The following PTPRZ1 variants were observed in gnomAD, a reference collection of about 807,000 sequenced individuals.
The protein encoded by PTPRZ1 is protein tyrosine phosphatase receptor type Z1.
PTPRZ1 carries 82 observed loss-of-function variants against 214.1 expected under a neutral mutation model. The observed-to-expected ratio is 0.38, with a 90% CI of 0.32 to 0.46. The LOEUF is 0.46. Ranked by LOEUF, PTPRZ1 falls within the 20% of genes least tolerant of loss-of-function variation. The pLI, the probability that PTPRZ1 is intolerant of heterozygous loss-of-function variation, is 1.00. For synonymous variants in PTPRZ1, 945 were observed against 987.9 expected (o/e 0.96, Z 0.81); for missense variants, 2,603 against 2,748.7 (o/e 0.95, Z 1.19).
At chr7:122,030,618 G>A (rs987149704) in intron 14 of PTPRZ1, among the ~76,000 whole-genome samples, 1 of 151,742 alleles carries the variant, frequency 6.6e-6, no homozygotes, top group African/African-American at 2.4e-5. Flanking sequence ...GCAAATTCTT[G>A]GTAACTGAAG....
chr7:121,884,495 A>G (rs1076430), intron 1 of PTPRZ1, among the ~76,000 whole-genome samples: 1 of 152,196 alleles, frequency 6.6e-6, no homozygotes, highest in African/African-American at 2.4e-5. Context: ...TAATTGTAGC[A>G]TATATTCTGG....
In PTPRZ1 at chr7:122,034,300, G is replaced by C. The variant is rs1235946010; in HGVS notation, c.5206G>C (p.Val1736Leu). ...EFYQEVQSCT[V>L]DLGITADSSN... ...TTTACAGGAAGTGCAGAGCTGTACT[G>C]TTGACTTAGGTATTACAGCAGACAG... Residue 1736 changes from valine (V) to leucine (L), a missense_variant, in exon 17 of 30, where the codon GTT becomes CTT. This residue lies in a region of PTPRZ1 where 1,913 missense variants were observed against 1,914.3 expected (regional missense o/e 1.00). Coordinates refer to ENST00000393386, the MANE Select transcript of PTPRZ1 (RefSeq NM_002851.3). 1 of 1,613,336 alleles carries C rather than the reference G, an allele frequency of 6.2e-7. No homozygotes were observed. The highest frequency in any genetic ancestry group is 1.7e-5 in the Admixed American group (1 of 59,944).
intron 11 of PTPRZ1, among the ~76,000 whole-genome samples, chr7:122,005,510 T>C (rs1328027362): frequency 1.3e-5 from 2 of 152,100 alleles, no homozygotes; most frequent in Non-Finnish European, 2.9e-5. Flanking sequence ...ATGTATCTTA[T>C]GGCTAGTCTC....
intron 2 of PTPRZ1, among the ~76,000 whole-genome samples, chr7:121,932,621 T>A (rs1795957872): frequency 6.6e-6 from 1 of 152,168 alleles, no homozygotes; most frequent in Non-Finnish European, 1.5e-5. Flanking sequence ...ACATATAGGA[T>A]TCTATTAATA....
intron 1 of PTPRZ1, among the ~76,000 whole-genome samples, chr7:121,894,828 T>C (rs1320172705): frequency 6.6e-6 from 1 of 152,224 alleles, no homozygotes. Context: ...ATAGACTTTA[T>C]TGGATTTGGG....
intron 4 of PTPRZ1, among the ~76,000 whole-genome samples, chr7:121,973,789 C>T (rs1430180985): frequency 6.6e-6 from 1 of 151,916 alleles, no homozygotes; most frequent in African/African-American, 2.4e-5. Context: ...CAAAAATTAG[C>T]TGGTCATGGT....
chr7:121,987,449 G>A (rs560098052), intron 8 of PTPRZ1, among the ~76,000 whole-genome samples: 28 of 152,094 alleles, frequency 1.8e-4, no homozygotes, highest in Non-Finnish European at 2.8e-4. Context: ...TGGGTCAAAC[G>A]GTAGCTCTGT....
chr7:122,006,541 T>C (rs1798491128), intron 11 of PTPRZ1, among the ~76,000 whole-genome samples: 1 of 152,096 alleles, frequency 6.6e-6, no homozygotes, highest in South Asian at 2.1e-4. Flanking sequence ...AATGGAGGTA[T>C]ATCTTTATTT....
intron 2 of PTPRZ1, among the ~76,000 whole-genome samples, chr7:121,961,325 T>G (rs957661631): frequency 6.6e-6 from 1 of 152,232 alleles, no homozygotes; most frequent in Non-Finnish European, 1.5e-5. Flanking sequence ...TGGACTAAGC[T>G]GGCCTGCTCA....
intron 18 of PTPRZ1, among the ~76,000 whole-genome samples, chr7:122,037,498 C>A (rs573832214): frequency 3.9e-5 from 6 of 152,236 alleles, no homozygotes; most frequent in Admixed American, 2.6e-4. Context: ...AGACTGTAGA[C>A]CGCTCACTAA....
In PTPRZ1 at chr7:122,059,805, C is replaced by A. The variant is rs759742742; in HGVS notation, c.6724C>A (p.Gln2242Lys). 1 of 1,613,078 alleles carries A rather than the reference C, an allele frequency of 6.2e-7. No individual in the cohort carries two copies. The highest frequency in any genetic ancestry group is 8.5e-7 in the Non-Finnish European group (1 of 1,179,712). ...TFCALTTLMHQLEKENSVDVY... is the reference protein window; with the variant it reads ...TFCALTTLMHKLEKENSVDVY... Reference sequence around the variant, plus strand: ...CTGTGCTCTGACAACCCTTATGCACCAACTAGAAAAAGAAAATTCCGTGGA... The same window carrying A: ...CTGTGCTCTGACAACCCTTATGCACAAACTAGAAAAAGAAAATTCCGTGGA... Residue 2242 changes from glutamine (Q) to lysine (K), a missense_variant, in exon 29 of 30, where the codon CAA (glutamine) becomes AAA (lysine). By Grantham distance (53) the Gln-to-Lys change is moderately conservative. Around this residue, in one of 6 missense-constraint regions of PTPRZ1, gnomAD observed 165 missense variants for 151.4 expected, o/e 1.09. Transcript: ENST00000393386.
rs1034400272 is a variant in PTPRZ1 at position 121,952,070 on chromosome 7, T to C, written c.125-15881T>C. 7.9e-5 allele frequency among the ~76,000 whole-genome samples: 12 copies of C among 152,032 alleles called. No individual in the cohort carries two copies. In the East Asian group the frequency reaches 2.0e-3, roughly 25 times the overall value. The stretch of plus-strand genomic sequence containing the variant: ...GCCTCCCGGGTTCACGCCATTCTCC[T>C]GCCTCAGCCTCCCGAGTAGCTGGGA... On this transcript the variant is annotated intron_variant, in intron 2 of 29. Transcript: ENST00000393386.
chr7:121,941,443 C>T (rs1796238110), intron 2 of PTPRZ1, among the ~76,000 whole-genome samples: 1 of 152,132 alleles, frequency 6.6e-6, no homozygotes, highest in South Asian at 2.1e-4. Context: ...GGTTCCAAAG[C>T]CTTGTGTATG....
intron 2 of PTPRZ1, among the ~76,000 whole-genome samples, chr7:121,962,530 A>G (rs1181185454): frequency 6.6e-6 from 1 of 151,428 alleles, no homozygotes; most frequent in African/African-American, 2.4e-5. Context: ...AGCAGATAAA[A>G]TGTATTTAAT....
intron 10 of PTPRZ1, among the ~76,000 whole-genome samples, chr7:122,002,052 GC>G (rs1435544180): frequency 6.6e-5 from 10 of 152,164 alleles, no homozygotes; most frequent in Admixed American, 5.2e-4. Flanking sequence ...GAGAGCTTGT[GC>G]CCATCAGCAG....
In PTPRZ1 at chr7:122,011,693, ACTC is replaced by A; in HGVS notation, c.2648_2650del (p.Thr883_His884delinsAsn). The stretch of plus-strand genomic sequence containing the variant: ...TCAGTATTCTGATGTGCTGTCCACT[ACTC>A]ATGCTGCTTCAGAGACGCTGGAATT... On this transcript the variant is annotated inframe_deletion, in exon 12 of 30. Coordinates refer to ENST00000393386, the MANE Select transcript of PTPRZ1 (RefSeq NM_002851.3). 1.2e-6 allele frequency: 2 copies of A among 1,613,930 alleles called. No individual in the cohort carries two copies.
chr7:121,962,115 C>T (rs756072020), intron 2 of PTPRZ1, among the ~76,000 whole-genome samples: 5 of 152,132 alleles, frequency 3.3e-5, no homozygotes, highest in Non-Finnish European at 7.3e-5. Flanking sequence ...ACTGATGTCT[C>T]CAGTTGCCAC....
chr7:121,877,676 A>G (rs930667380), intron 1 of PTPRZ1, among the ~76,000 whole-genome samples: 3 of 152,218 alleles, frequency 2.0e-5, no homozygotes, highest in African/African-American at 7.2e-5. Context: ...ACTTAAACTC[A>G]TGATGCTCAC....
rs1181177912 is a variant in PTPRZ1 at position 122,012,575 on chromosome 7, A to G, written c.3529A>G (p.Ser1177Gly). 2 of 1,613,068 alleles carry G rather than the reference A, an allele frequency of 1.2e-6. No homozygotes were observed. The highest frequency in any genetic ancestry group is 2.7e-5 in the African/African-American group (2 of 74,880). The change falls in exon 12 of 30, where the codon AGT becomes GGT. Residue 1177 changes from serine (S) to glycine (G), a missense_variant. Ser to Gly is a moderately conservative substitution (Grantham distance 56). Transcript: ENST00000393386. Reference protein sequence around the residue: ...LLFYETSASFSTEVLLQPSFQ... With the variant: ...LLFYETSASFGTEVLLQPSFQ... ...ATTTTATGAGACCTCAGCTTCTTTTAGTACTGAAGTATTGCTACAACCTTC... is the reference window on the plus strand; with the variant it reads ...ATTTTATGAGACCTCAGCTTCTTTTGGTACTGAAGTATTGCTACAACCTTC...
Sources: allele counts gnomAD v4.1 joint callset (sites outside exome capture counted in the v4.1 genomes callset), GRCh38; gene constraint gnomAD v4.1.1; regional missense constraint gnomAD v4.1.1; transcripts MANE v1.5; gene names NCBI Gene and HGNC (gene_info 2026-07-23, HGNC 2026-07-21).